Variants in COL22A1 observed in about 807,000 individuals in gnomAD.
COL22A1 encodes collagen alpha-1(XXII) chain.
In COL22A1, 221 loss-of-function variants were observed where a neutral mutation model predicts 248.9. The ratio of observed to expected loss-of-function variants is 0.89; its 90% CI spans 0.80 to 0.99. COL22A1 has a LOEUF of 0.99. Among genes scored for constraint, COL22A1 ranks in the 50% least tolerant of loss-of-function variants. The probability of loss-of-function intolerance (pLI) is 0.00; values close to 1 mark genes in which losing one functional copy is unlikely to be tolerated. For synonymous variants in COL22A1, 891 were observed against 793.4 expected (o/e 1.12, Z -2.07); for missense variants, 2,240 against 2,179.0 (o/e 1.03, Z -0.56).
Position 138,705,341 on chromosome 8 carries a change from A to G in COL22A1, c.2518-1994T>C, listed in dbSNP as rs1466006764. Among the ~76,000 whole-genome samples the G allele has an allele frequency of 7.9e-5, 12 of 152,306 alleles. No individual in the cohort carries two copies. The East Asian group carries it at 1.9e-3, about 24-fold the overall frequency. ...AAGACACATAATTGTCAGATTCACCAAAGTTGAAATGAAGGAAAAAATGTT... is the reference window on the plus strand; with the variant it reads ...AAGACACATAATTGTCAGATTCACCGAAGTTGAAATGAAGGAAAAAATGTT... On this transcript the variant is annotated intron_variant, in intron 30 of 64. Transcript: ENST00000303045.
At position 138,812,932 on chromosome 8, in the gene COL22A1, T is replaced by G; in HGVS notation, c.1326+7A>C. 6.2e-7 allele frequency: 1 copy of G among 1,608,468 alleles called. No individual in the cohort carries two copies. The highest frequency in any genetic ancestry group is 8.5e-7 in the Non-Finnish European group (1 of 1,174,900). On this transcript the variant is annotated splice_region_variant and intron_variant, in intron 8 of 64. Coordinates refer to ENST00000303045, the MANE Select transcript of COL22A1 (RefSeq NM_152888.3). ...CTCCCATCCTCTCTGTGCGAGAGTC[T>G]GCTCACCGGACCCGAGGGGATATCA... is the stretch of plus-strand genomic sequence containing the variant.
chr8:138,821,092 C>G (rs374646042), intron 7 of COL22A1, 44 bp downstream of exon 7: 1 of 1,597,696 alleles, frequency 6.3e-7, no homozygotes, highest in East Asian at 2.2e-5. Flanking sequence ...GGCTTCTCCC[C>G]GGTGGCCTGG....
At chr8:138,862,010 G>A (rs1235596599) in intron 3 of COL22A1, among the ~76,000 whole-genome samples, 7 of 103,498 alleles carry the variant, frequency 6.8e-5, no homozygotes, top group Admixed American at 5.8e-4. Flanking sequence ...CCAACATGGT[G>A]AAACCCTGTC....
intron 43 of COL22A1, among the ~76,000 whole-genome samples, chr8:138,661,259 G>A (rs1198817129): frequency 6.6e-6 from 1 of 152,216 alleles, no homozygotes; most frequent in Non-Finnish European, 1.5e-5. Flanking sequence ...GCAGGAATAA[G>A]ACAGTAACCT....
intron 20 of COL22A1, 33 bp from the exon 21 acceptor site, chr8:138,755,243 T>C (rs1288176777): frequency 6.2e-7 from 1 of 1,609,210 alleles, no homozygotes; most frequent in Non-Finnish European, 8.5e-7. Flanking sequence ...TGTTTAGTCA[T>C]GACTTTTCCC....
chr8:138,904,339 C>T (rs554615233), intron 1 of COL22A1, among the ~76,000 whole-genome samples: 3 of 152,050 alleles, frequency 2.0e-5, no homozygotes, highest in Admixed American at 6.5e-5. Context: ...AGAGACACCC[C>T]ACACACACAC....
chr8:138,770,816 C>T (rs527545239), intron 16 of COL22A1, among the ~76,000 whole-genome samples: 31 of 152,272 alleles, frequency 2.0e-4, no homozygotes, highest in South Asian at 1.0e-3. Context: ...GCAAGGGAGT[C>T]GGAGGCAGTG....
At chr8:138,590,392 T>C (rs940829323) in intron 64 of COL22A1, among the ~76,000 whole-genome samples, 3 of 152,220 alleles carry the variant, frequency 2.0e-5, no homozygotes, top group Admixed American at 6.5e-5. Context: ...TAAGAGCCAC[T>C]GAAATGGGAT....
chr8:138,705,835 G>A (rs1344122902), intron 30 of COL22A1, among the ~76,000 whole-genome samples: 2 of 152,124 alleles, frequency 1.3e-5, no homozygotes, highest in East Asian at 3.8e-4. Flanking sequence ...ACACAGACTG[G>A]CAAATTGGAT....
At chr8:138,728,488 G>A (rs1830483781) in intron 23 of COL22A1, among the ~76,000 whole-genome samples, 1 of 152,094 alleles carries the variant, frequency 6.6e-6, no homozygotes, top group Non-Finnish European at 1.5e-5. Flanking sequence ...GACCTCTGGA[G>A]TGTTTTATGC....
chr8:138,757,807 A>G (rs4736039), intron 18 of COL22A1, among the ~76,000 whole-genome samples: 100,845 of 152,164 alleles, frequency 0.66, 34,063 homozygotes, highest in East Asian at 0.93. Context: ...AGTCTTTCCT[A>G]GAATCAATTT....
At chr8:138,601,086 G>A (rs1211822144) in intron 60 of COL22A1, among the ~76,000 whole-genome samples, 1 of 152,030 alleles carries the variant, frequency 6.6e-6, no homozygotes, top group African/African-American at 2.4e-5. Flanking sequence ...AGATGCCATT[G>A]GTGGTCTGAG....
chr8:138,823,715 C>T (rs1270802305), intron 6 of COL22A1, among the ~76,000 whole-genome samples: 2 of 152,196 alleles, frequency 1.3e-5, no homozygotes, highest in Non-Finnish European at 2.9e-5. Flanking sequence ...CATTTATTGA[C>T]TTTTTTCATA....
chr8:138,656,242 C>G (rs1325753409), intron 44 of COL22A1, among the ~76,000 whole-genome samples: 1 of 152,192 alleles, frequency 6.6e-6, no homozygotes, highest in Non-Finnish European at 1.5e-5. Flanking sequence ...CCCTCTTCCC[C>G]CCGACCACCA....
chr8:138,700,613 G>T (rs559385769), intron 31 of COL22A1, among the ~76,000 whole-genome samples: 1 of 152,298 alleles, frequency 6.6e-6, no homozygotes, highest in African/African-American at 2.4e-5. Flanking sequence ...ATCCCTGCTT[G>T]ACAGAGCCCA....
At chr8:138,827,737 G>C (rs374035231) in intron 5 of COL22A1, among the ~76,000 whole-genome samples, 1 of 150,882 alleles carries the variant, frequency 6.6e-6, no homozygotes, top group African/African-American at 2.4e-5. Context: ...GAACCAAGAT[G>C]CCATCCCTCA....
chr8:138,591,374 T>C (rs1323532566), intron 64 of COL22A1, 50 bp downstream of exon 64: 1 of 1,399,242 alleles, frequency 7.1e-7, no homozygotes, highest in Middle Eastern at 1.8e-4. Context: ...GGGTGCTGGG[T>C]CTCCAGGGTA....
chr8:138,748,847 G>A (rs1244841064), intron 22 of COL22A1, among the ~76,000 whole-genome samples: 2 of 152,178 alleles, frequency 1.3e-5, no homozygotes, highest in Non-Finnish European at 2.9e-5. Context: ...GTTTAAAGAA[G>A]TTGTATCTAA....
intron 22 of COL22A1, among the ~76,000 whole-genome samples, chr8:138,737,836 A>T (rs561316495): frequency 6.6e-6 from 1 of 152,180 alleles, no homozygotes; most frequent in East Asian, 1.9e-4. Context: ...CCATGTTCAA[A>T]AGATACAGAA....
Sources: gnomAD v4.1 joint callset for allele counts (sites outside exome capture counted in the v4.1 genomes callset) on GRCh38, gnomAD v4.1.1 for gene constraint, MANE v1.5 for transcripts, NCBI Gene and HGNC (gene_info 2026-07-23, HGNC 2026-07-21) for gene names.